Variants in RBFOX1 observed in about 807,000 individuals in gnomAD.
RBFOX1 encodes the protein RNA binding fox-1 homolog 1, also known as RNA binding protein fox-1 homolog 1.
Under a neutral mutation model 57.7 loss-of-function variants are expected in RBFOX1, and 8 were observed. The observed-to-expected ratio is 0.14, with a 90% CI of 0.08 to 0.25. The LOEUF (loss-of-function observed/expected upper bound fraction) is 0.25, where lower values mean the gene tolerates loss of function less well. Ranked by LOEUF, RBFOX1 falls within the 10% of genes least tolerant of loss-of-function variation. The pLI is 1.00. For missense variants in RBFOX1, 611 were observed against 548.5 expected, an observed-to-expected ratio of 1.11 and a Z score of -1.14; for synonymous variants, 326 against 222.4, an observed-to-expected ratio of 1.47 and a Z score of -4.15.
intron 1 of RBFOX1, among the ~76,000 whole-genome samples, chr16:6,272,777 C>T (rs1382006230): frequency 1.3e-5 from 2 of 152,048 alleles, no homozygotes; most frequent in African/African-American, 4.8e-5. Flanking sequence ...CAGAAATAGA[C>T]CTACATAAGT....
chr16:7,205,269 G>T (rs2089688086), intron 4 of RBFOX1, among the ~76,000 whole-genome samples: 1 of 152,088 alleles, frequency 6.6e-6, no homozygotes, highest in African/African-American at 2.4e-5. Context: ...TGTAATCCCA[G>T]TGCTTAGGGA....
At chr16:7,110,982 A>G (rs1044292079) in intron 4 of RBFOX1, among the ~76,000 whole-genome samples, 1 of 152,168 alleles carries the variant, frequency 6.6e-6, no homozygotes, top group African/African-American at 2.4e-5. Context: ...TATTTCTGGA[A>G]AGAAGTCTTC....
chr16:6,139,742 C>T (rs1485457066), intron 1 of RBFOX1, among the ~76,000 whole-genome samples: 2 of 152,120 alleles, frequency 1.3e-5, no homozygotes, highest in Admixed American at 6.5e-5. Flanking sequence ...GTTTCTTGGT[C>T]GTTTTTTTCT....
At chr16:5,998,083 A>C (rs970756731) in intron 4 of RBFOX1, among the ~76,000 whole-genome samples, 6 of 152,172 alleles carry the variant, frequency 3.9e-5, no homozygotes, top group African/African-American at 1.4e-4. Flanking sequence ...GAGTTTCAAG[A>C]CTGTATAAAC....
intron 3 of RBFOX1, among the ~76,000 whole-genome samples, chr16:6,940,686 C>A (rs1358637711): frequency 6.6e-6 from 1 of 152,102 alleles, no homozygotes; most frequent in Non-Finnish European, 1.5e-5. Flanking sequence ...CAAGCTCCGC[C>A]TCCCGGGTTC....
intron 4 of RBFOX1, among the ~76,000 whole-genome samples, chr16:7,229,530 G>A (rs2093352677): frequency 6.6e-6 from 1 of 150,452 alleles, no homozygotes; most frequent in Non-Finnish European, 1.5e-5. Flanking sequence ...GGAGAGGAGA[G>A]GGAGGAAGGG....
At chr16:6,626,643 G>A (rs144303606) in intron 2 of RBFOX1, among the ~76,000 whole-genome samples, 110 of 152,068 alleles carry the variant, frequency 7.2e-4, no homozygotes, top group African/African-American at 2.0e-3. Flanking sequence ...ACCTGTAATC[G>A]CAGGTACTCA....
chr16:5,393,366 G>A (rs2066466217), intron 1 of RBFOX1, among the ~76,000 whole-genome samples: 1 of 152,222 alleles, frequency 6.6e-6, no homozygotes, highest in African/African-American at 2.4e-5. Context: ...TGTCCAGGCA[G>A]CCCTGCCTGA....
rs1274115774 is a variant in RBFOX1, at chr16:7,647,148, A to G, written c.758-6667A>G. On this transcript the variant is annotated intron_variant, in intron 11 of 15. Coordinates refer to ENST00000550418, the MANE Select transcript of RBFOX1 (RefSeq NM_018723.4). Reference sequence around the variant, plus strand: ...CCATGGGACAGAACTTCTTATTCCCAAGAACTGAGATGGTTACTCTACTAA... The same window carrying G: ...CCATGGGACAGAACTTCTTATTCCCGAGAACTGAGATGGTTACTCTACTAA... Among the ~76,000 whole-genome samples the G allele has an allele frequency of 3.3e-5, 5 of 152,252 alleles. No homozygotes were observed. The East Asian group carries it at 9.7e-4, about 29-fold the overall frequency.
At chr16:7,529,207 G>A (rs1354867041) in intron 5 of RBFOX1, among the ~76,000 whole-genome samples, 1 of 152,170 alleles carries the variant, frequency 6.6e-6, no homozygotes, top group Non-Finnish European at 1.5e-5. Context: ...CTTACAGTGA[G>A]CTGAGATCAT....
chr16:7,061,288 C>T (rs139454396), intron 4 of RBFOX1, among the ~76,000 whole-genome samples: 66 of 152,296 alleles, frequency 4.3e-4, no homozygotes, highest in African/African-American at 1.4e-3. Context: ...ATGTCATCTT[C>T]ACAAGACCTG....
intron 2 of RBFOX1, among the ~76,000 whole-genome samples, chr16:5,542,527 G>A (rs1338313908): frequency 6.6e-6 from 1 of 151,634 alleles, no homozygotes; most frequent in African/African-American, 2.4e-5. Context: ...AAAGTGCTGG[G>A]GTTACAGGCG....
At chr16:7,531,244 G>C (rs2152376725) in intron 5 of RBFOX1, among the ~76,000 whole-genome samples, 1 of 152,236 alleles carries the variant, frequency 6.6e-6, no homozygotes, top group Non-Finnish European at 1.5e-5. Flanking sequence ...TGTCAGATGA[G>C]GAACATCAAA....
chr16:6,833,508 C>T (rs575888941), intron 3 of RBFOX1, among the ~76,000 whole-genome samples: 52 of 152,134 alleles, frequency 3.4e-4, no homozygotes, highest in Non-Finnish European at 6.3e-4. Context: ...GGAGACCCTC[C>T]TTGACTTCCC....
chr16:5,349,693 A>C (rs2065220581), intron 1 of RBFOX1, among the ~76,000 whole-genome samples: 1 of 152,082 alleles, frequency 6.6e-6, no homozygotes, highest in Non-Finnish European at 1.5e-5. Context: ...AAAACTTGTC[A>C]AGAGAGTACA....
chr16:5,740,550 T>C (rs1381509323), intron 3 of RBFOX1, among the ~76,000 whole-genome samples: 1 of 152,168 alleles, frequency 6.6e-6, no homozygotes, highest in Admixed American at 6.5e-5. Flanking sequence ...AAACCCAAAA[T>C]GATAAGCAGA....
At chr16:6,172,721 CACAA>C (rs1160509167) in intron 1 of RBFOX1, among the ~76,000 whole-genome samples, 2 of 152,202 alleles carry the variant, frequency 1.3e-5, no homozygotes, top group African/African-American at 2.4e-5. Context: ...TAGAGTACAT[CACAA>C]ACAATGTAAG....
intron 1 of RBFOX1, among the ~76,000 whole-genome samples, chr16:6,086,220 C>G (rs1371512354): frequency 1.3e-5 from 2 of 152,102 alleles, no homozygotes; most frequent in Admixed American, 1.3e-4. Flanking sequence ...AATAGACAAG[C>G]ACATGCATTG....
intron 3 of RBFOX1, among the ~76,000 whole-genome samples, chr16:6,663,931 A>G (rs2098716500): frequency 6.6e-6 from 1 of 152,224 alleles, no homozygotes; most frequent in Non-Finnish European, 1.5e-5. Flanking sequence ...AAAAGTGGCT[A>G]GAGATAAAGC....
Sources: gnomAD v4.1 joint callset for allele counts (sites outside exome capture counted in the v4.1 genomes callset) on GRCh38, gnomAD v4.1.1 for gene constraint, MANE v1.5 for transcripts, NCBI Gene and HGNC (gene_info 2026-07-23, HGNC 2026-07-21) for gene names.